TMEM117: variants seen among roughly 807,000 people sequenced by gnomAD.
TMEM117 encodes the protein transmembrane protein 117.
Under a neutral mutation model 52.4 loss-of-function variants are expected in TMEM117, and 27 were observed. The observed-to-expected ratio is 0.51, with a 90% CI of 0.38 to 0.71. The LOEUF is 0.71. TMEM117 is among the 30% of genes least tolerant of loss of function. The pLI is 0.00. For missense variants in TMEM117, 556 were observed against 630.5 expected (o/e 0.88, Z 1.26); for synonymous variants, 215 against 206.3 (o/e 1.04, Z -0.36).
At chr12:44,295,757 T>G (rs769266162) in intron 5 of TMEM117, among the ~76,000 whole-genome samples, 3 of 152,184 alleles carry the variant, frequency 2.0e-5, no homozygotes, top group Non-Finnish European at 4.4e-5. Flanking sequence ...TTTAGTTGTC[T>G]GTTTCCTCTT....
At chr12:44,174,726 A>G (rs1017129212) in intron 4 of TMEM117, among the ~76,000 whole-genome samples, 5 of 152,208 alleles carry the variant, frequency 3.3e-5, no homozygotes, top group African/African-American at 1.2e-4. Flanking sequence ...ACAATTTGGC[A>G]GGGAAAACAA....
intron 3 of TMEM117, among the ~76,000 whole-genome samples, chr12:43,956,149 G>A (rs1439187974): frequency 6.6e-6 from 1 of 152,114 alleles, no homozygotes; most frequent in Non-Finnish European, 1.5e-5. Flanking sequence ...TCTCAAGATG[G>A]ATTAAAGCCT....
chr12:43,802,294 G>A, the TMEM117 span: 2 of 1,532,960 alleles, frequency 1.3e-6, no homozygotes, highest in African/African-American at 1.4e-5. Flanking sequence ...ACATGAGAAT[G>A]ATCTGGAGAC....
chr12:44,098,198 C>T (rs1250401132), intron 3 of TMEM117, among the ~76,000 whole-genome samples: 1 of 152,048 alleles, frequency 6.6e-6, no homozygotes, highest in Admixed American at 6.6e-5. Context: ...TTCTGGGTGC[C>T]AGACAGAGGC....
At chr12:43,811,000 A>G in the TMEM117 span, among the ~76,000 whole-genome samples, 1 of 152,228 alleles carries the variant, frequency 6.6e-6, no homozygotes, top group African/African-American at 2.4e-5. Context: ...TATTAAGATA[A>G]TTATATTGGC....
At chr12:44,088,173 C>T (rs1947604090) in intron 3 of TMEM117, among the ~76,000 whole-genome samples, 1 of 152,118 alleles carries the variant, frequency 6.6e-6, no homozygotes, top group African/African-American at 2.4e-5. Context: ...TGGCAGAACT[C>T]AAAGGGTCTT....
chr12:43,979,181 C>T (rs1389268998), intron 3 of TMEM117, among the ~76,000 whole-genome samples: 3 of 151,634 alleles, frequency 2.0e-5, no homozygotes, highest in African/African-American at 4.8e-5. Context: ...TAGTATTTAA[C>T]CTTTTGAGGT....
At chr12:43,809,878 A>C in the TMEM117 span, among the ~76,000 whole-genome samples, 2 of 152,096 alleles carry the variant, frequency 1.3e-5, no homozygotes, top group Non-Finnish European at 2.9e-5. Flanking sequence ...GATTGCTAAA[A>C]CTCCTCACGA....
chr12:44,238,180 A>T (rs1592631060), intron 5 of TMEM117, among the ~76,000 whole-genome samples: 1 of 152,240 alleles, frequency 6.6e-6, no homozygotes, highest in South Asian at 2.1e-4. Flanking sequence ...AAAACAACAA[A>T]ACATTTATTA....
intron 6 of TMEM117, among the ~76,000 whole-genome samples, chr12:44,356,793 T>C (rs1431935300): frequency 6.6e-6 from 1 of 152,158 alleles, no homozygotes; most frequent in Non-Finnish European, 1.5e-5. Context: ...CACTGGAGTA[T>C]AGGTCTTCAC....
intron 3 of TMEM117, among the ~76,000 whole-genome samples, chr12:44,132,418 C>G (rs1477111801): frequency 6.6e-6 from 1 of 151,966 alleles, no homozygotes; most frequent in Non-Finnish European, 1.5e-5. Context: ...AGGGAAGATA[C>G]CTGGTGGCCT....
At chr12:44,209,637 T>C (rs1283202338) in intron 4 of TMEM117, among the ~76,000 whole-genome samples, 2 of 152,144 alleles carry the variant, frequency 1.3e-5, no homozygotes, top group Non-Finnish European at 2.9e-5. Context: ...TTGTAGGCCC[T>C]ATGTTAGATA....
chr12:44,049,228 G>A (rs947539223), intron 3 of TMEM117, among the ~76,000 whole-genome samples: 13 of 152,250 alleles, frequency 8.5e-5, no homozygotes, highest in East Asian at 3.9e-4. Flanking sequence ...GGAATACTAC[G>A]CAGCCATAAA....
chr12:44,142,771 C>T (rs774366656), intron 3 of TMEM117, among the ~76,000 whole-genome samples: 11 of 151,788 alleles, frequency 7.2e-5, no homozygotes, highest in Admixed American at 3.9e-4. Flanking sequence ...ATGAATAGGG[C>T]GAGTTATGTG....
chr12:44,370,325 C>A (rs1414695457), intron 6 of TMEM117, among the ~76,000 whole-genome samples: 1 of 152,116 alleles, frequency 6.6e-6, no homozygotes, highest in Non-Finnish European at 1.5e-5. Context: ...ATCTTTGTTT[C>A]ACTCTCTGTA....
At chr12:43,991,800 C>T (rs925735710) in intron 3 of TMEM117, among the ~76,000 whole-genome samples, 5 of 152,014 alleles carry the variant, frequency 3.3e-5, no homozygotes, top group Non-Finnish European at 7.4e-5. Context: ...TAAATGAGAC[C>T]GTCATCCATT....
chr12:44,290,812 T>G (rs1019468253), intron 5 of TMEM117, among the ~76,000 whole-genome samples: 1 of 152,018 alleles, frequency 6.6e-6, no homozygotes, highest in Admixed American at 6.6e-5. Flanking sequence ...TGGTTATTAA[T>G]TTTTTATATA....
the TMEM117 span, chr12:43,806,230 C>T: frequency 1.3e-6 from 2 of 1,539,350 alleles, no homozygotes; most frequent in Non-Finnish European, 1.7e-6. Flanking sequence ...CCTTGGATGC[C>T]GGTCTGGTGG....
intron 6 of TMEM117, among the ~76,000 whole-genome samples, chr12:44,357,733 A>C (rs1951670374): frequency 2.0e-5 from 3 of 152,182 alleles, no homozygotes; most frequent in African/African-American, 7.2e-5. Flanking sequence ...AATGCAAATG[A>C]ATCCAGCCCC....
Sources: gnomAD v4.1 joint callset for allele counts (sites outside exome capture counted in the v4.1 genomes callset) on GRCh38, gnomAD v4.1.1 for gene constraint, MANE v1.5 for transcripts, NCBI Gene and HGNC (gene_info 2026-07-23, HGNC 2026-07-21) for gene names.